Variants in LAMA2 observed in about 807,000 individuals in gnomAD.
The protein encoded by LAMA2 is laminin subunit alpha 2, also known as laminin subunit alpha-2.
Under a neutral mutation model 364.8 loss-of-function variants are expected in LAMA2, and 269 were observed. The ratio of observed to expected loss-of-function variants is 0.74; its 90% CI spans 0.67 to 0.82. The LOEUF (loss-of-function observed/expected upper bound fraction) is 0.82. Ranked by LOEUF, LAMA2 falls within the 40% of genes least tolerant of loss-of-function variation. The pLI, the probability that LAMA2 is intolerant of heterozygous loss-of-function variation, is 0.00. For missense variants in LAMA2, 3,807 were observed against 3,873.2 expected (o/e 0.98, Z 0.45); for synonymous variants, 1,379 against 1,370.6 (o/e 1.01, Z -0.14).
chr6:129,330,765 G>A (rs1358632568), intron 29 of LAMA2, among the ~76,000 whole-genome samples: 2 of 151,232 alleles, frequency 1.3e-5, no homozygotes, highest in African/African-American at 4.9e-5. Flanking sequence ...TCTTTCATTG[G>A]TATTACTGCT....
chr6:129,234,394 G>C (rs184082563), intron 12 of LAMA2, among the ~76,000 whole-genome samples: 1 of 151,776 alleles, frequency 6.6e-6, no homozygotes, highest in African/African-American at 2.4e-5. Context: ...CCCCTCAGAG[G>C]GCACCCCATT....
chr6:129,297,564 G>A, intron 20 of LAMA2, 121 bp from the exon 21 acceptor site: 2 of 868,812 alleles, frequency 2.3e-6, no homozygotes, highest in Non-Finnish European at 1.9e-6. Flanking sequence ...CATAACATCA[G>A]TGAGGAATCC....
intron 1 of LAMA2, among the ~76,000 whole-genome samples, chr6:128,951,864 C>A (rs181518815): frequency 3.8e-4 from 58 of 152,276 alleles, no homozygotes; most frequent in Middle Eastern, 3.4e-3. Context: ...AGCCTCAACA[C>A]TCGGCATTTC....
intron 1 of LAMA2, among the ~76,000 whole-genome samples, chr6:128,885,559 T>C (rs1461824266): frequency 6.6e-6 from 1 of 152,194 alleles, no homozygotes; most frequent in Non-Finnish European, 1.5e-5. Context: ...TCTGTGAAAA[T>C]CACGGGATAT....
intron 52 of LAMA2, 59 bp from the exon 53 acceptor site, chr6:129,475,331 G>A (rs1179606398): frequency 2.2e-5 from 21 of 956,670 alleles, no homozygotes; most frequent in Non-Finnish European, 3.3e-5. Flanking sequence ...AAATGAAAAT[G>A]TAATTATAAG....
intron 12 of LAMA2, among the ~76,000 whole-genome samples, chr6:129,220,219 T>C (rs1783730834): frequency 6.6e-6 from 1 of 152,090 alleles, no homozygotes; most frequent in Non-Finnish European, 1.5e-5. Context: ...TAAATGAAGC[T>C]TTGCTGAATA....
intron 1 of LAMA2, among the ~76,000 whole-genome samples, chr6:128,931,092 TATAAG>T (rs1231652708): frequency 7.2e-5 from 11 of 152,212 alleles, no homozygotes; most frequent in African/African-American, 2.7e-4. Flanking sequence ...GGCAATTACT[TATAAG>T]TAAGCCAGAT....
intron 32 of LAMA2, 80 bp downstream of exon 32, chr6:129,353,437 T>G: frequency 9.1e-7 from 1 of 1,104,048 alleles, no homozygotes; most frequent in Non-Finnish European, 1.3e-6. Flanking sequence ...AGAGTGACTC[T>G]CCCCGCCCGC....
intron 3 of LAMA2, among the ~76,000 whole-genome samples, chr6:129,089,995 A>G (rs1016748832): frequency 6.6e-6 from 1 of 152,218 alleles, no homozygotes; most frequent in Admixed American, 6.5e-5. Flanking sequence ...AGAGTTAACC[A>G]TTTATCAAGA....
chr6:129,473,082 T>A (rs1783891011), intron 51 of LAMA2, 132 bp from the exon 52 acceptor site: 1 of 650,430 alleles, frequency 1.5e-6, no homozygotes, highest in Non-Finnish European at 2.7e-6. Flanking sequence ...AATTGCTAAA[T>A]ATAGTGCAAG....
At chr6:129,174,959 A>G (rs1478401496) in intron 9 of LAMA2, among the ~76,000 whole-genome samples, 1 of 152,244 alleles carries the variant, frequency 6.6e-6, no homozygotes, top group Non-Finnish European at 1.5e-5. Flanking sequence ...AAGTTAAGAT[A>G]GACATTGTTT....
chr6:129,115,980 G>A (rs1776455452), intron 4 of LAMA2, among the ~76,000 whole-genome samples: 1 of 152,086 alleles, frequency 6.6e-6, no homozygotes, highest in African/African-American at 2.4e-5. Flanking sequence ...TTTTATGCAT[G>A]CAATTAGCAA....
chr6:128,910,635 C>T (rs1355874296), intron 1 of LAMA2, among the ~76,000 whole-genome samples: 3 of 152,240 alleles, frequency 2.0e-5, no homozygotes, highest in Non-Finnish European at 4.4e-5. Context: ...CTTCTCTCAG[C>T]TCGTCAAAGT....
At chr6:128,894,399 G>A (rs1776641707) in intron 1 of LAMA2, among the ~76,000 whole-genome samples, 1 of 152,092 alleles carries the variant, frequency 6.6e-6, no homozygotes, top group African/African-American at 2.4e-5. Flanking sequence ...AAATTTTTCA[G>A]AATTTTTATT....
At chr6:129,465,938 A>G (rs991795596) in intron 51 of LAMA2, among the ~76,000 whole-genome samples, 1 of 151,874 alleles carries the variant, frequency 6.6e-6, no homozygotes, top group African/African-American at 2.4e-5. Flanking sequence ...GTGTAGTGCT[A>G]TTGCTTTTTA....
At chr6:129,078,221 G>A (rs542479627) in intron 3 of LAMA2, among the ~76,000 whole-genome samples, 10 of 151,356 alleles carry the variant, frequency 6.6e-5, no homozygotes, top group Admixed American at 4.6e-4. Flanking sequence ...TGCAGCCTCC[G>A]CCTCTAGCAT....
At chr6:129,474,526 C>A (rs1783973185) in intron 52 of LAMA2, among the ~76,000 whole-genome samples, 1 of 152,008 alleles carries the variant, frequency 6.6e-6, no homozygotes, top group Non-Finnish European at 1.5e-5. Flanking sequence ...AGTCATTCAC[C>A]AAAAGTTTGT....
chr6:128,907,972 C>T (rs1435972995), intron 1 of LAMA2, among the ~76,000 whole-genome samples: 1 of 151,904 alleles, frequency 6.6e-6, no homozygotes, highest in African/African-American at 2.4e-5. Context: ...GCCTTGCATC[C>T]CAGGGATGAA....
intron 32 of LAMA2, among the ~76,000 whole-genome samples, chr6:129,363,145 T>C (rs1216619258): frequency 6.6e-6 from 1 of 152,012 alleles, no homozygotes; most frequent in Non-Finnish European, 1.5e-5. Context: ...CCCATCTCTA[T>C]GTTAAAAAAC....
Sources: allele counts gnomAD v4.1 joint callset (sites outside exome capture counted in the v4.1 genomes callset), GRCh38; gene constraint gnomAD v4.1.1; transcripts MANE v1.5; gene names NCBI Gene and HGNC (gene_info 2026-07-23, HGNC 2026-07-21).